The following PHYHIPL variants were observed in gnomAD, a reference collection of about 807,000 sequenced individuals.
PHYHIPL encodes phytanoyl-CoA 2-hydroxylase interacting protein like, also known as phytanoyl-CoA hydroxylase-interacting protein-like.
A neutral mutation model predicts 33.4 loss-of-function variants in PHYHIPL; 9 were observed. The observed-to-expected ratio is 0.27, with a 90% CI of 0.16 to 0.47. The LOEUF is 0.47. Ranked by LOEUF, PHYHIPL falls within the 20% of genes least tolerant of loss-of-function variation. PHYHIPL has a pLI of 0.99. For missense variants in PHYHIPL, 365 were observed against 460.7 expected (o/e 0.79, Z 1.90); for synonymous variants, 153 against 154.1 (o/e 0.99, Z 0.05).
chr10:59,177,405 C>G (rs914883345), intron 1 of PHYHIPL: 7 of 1,404,900 alleles, frequency 5.0e-6, no homozygotes, highest in Non-Finnish European at 6.6e-6. Context: ...TTATCATTTT[C>G]TTTTTTAAAC....
chr10:59,238,461 A>G (rs1840291283), intron 3 of PHYHIPL, 127 bp from the exon 4 acceptor site: 2 of 476,840 alleles, frequency 4.2e-6, no homozygotes, highest in Admixed American at 3.4e-5. Flanking sequence ...TCTTTTTTAA[A>G]TGGAATTTCC....
At chr10:59,199,719 T>C (rs1486583749) in intron 1 of PHYHIPL, among the ~76,000 whole-genome samples, 2 of 152,216 alleles carry the variant, frequency 1.3e-5, no homozygotes, top group Admixed American at 6.5e-5. Flanking sequence ...GTTTGTATCC[T>C]CTTTTATTTC....
Position 59,246,573 on chromosome 10 carries a change from G to T in PHYHIPL, c.*982G>T, listed in dbSNP as rs1840726668. 2.5e-6 allele frequency: 1 copy of T among 396,708 alleles called. No homozygotes were observed. The highest frequency in any genetic ancestry group is 4.5e-6 in the Non-Finnish European group (1 of 224,562). 24.6% of individuals were successfully genotyped at this position (396,708 alleles called of 1,614,324 possible). A position where few individuals can be genotyped will look rare whatever the true frequency, so the allele number is the denominator to read the frequency against. On this transcript the variant is annotated 3_prime_UTR_variant, in exon 5 of 5. Transcript: ENST00000373880. ...TTACAAAAATGAAAATAATAAACATGTTTTCGTATAAAATAACACAAAATG... is the reference window on the plus strand; with the variant it reads ...TTACAAAAATGAAAATAATAAACATTTTTTCGTATAAAATAACACAAAATG...
upstream of PHYHIPL, chr10:59,176,465 G>T (rs1247483705): frequency 1.3e-5 from 2 of 155,548 alleles, no homozygotes; most frequent in East Asian, 3.7e-4. Context: ...GAGGGCAGGT[G>T]GGGGCGCGTG....
chr10:59,177,426 C>T, intron 1 of PHYHIPL: 1 of 1,479,358 alleles, frequency 6.8e-7, no homozygotes, highest in Non-Finnish European at 9.0e-7. Flanking sequence ...CTCCCATCCT[C>T]AGACTCCCCA....
chr10:59,176,386 T>G (rs1359514848), upstream of PHYHIPL, among the ~76,000 whole-genome samples: 1 of 151,842 alleles, frequency 6.6e-6, no homozygotes, highest in Non-Finnish European at 1.5e-5. Flanking sequence ...GCGCGGCGTA[T>G]AGCGCTCGCC....
chr10:59,207,541 G>T (rs11006400), intron 1 of PHYHIPL, among the ~76,000 whole-genome samples: 3,171 of 152,280 alleles, frequency 0.021, 55 homozygotes, highest in Non-Finnish European at 0.033. Context: ...CAGCAAAGTC[G>T]CTGTAGCCAG....
At chr10:59,237,750 C>T (rs188862211) in intron 3 of PHYHIPL, among the ~76,000 whole-genome samples, 61 of 151,934 alleles carry the variant, frequency 4.0e-4, no homozygotes, top group African/African-American at 1.4e-3. Context: ...GGGTTTAAAA[C>T]CCTGTGCTTA....
chr10:59,202,890 A>T (rs972643321), intron 1 of PHYHIPL, among the ~76,000 whole-genome samples: 2 of 152,176 alleles, frequency 1.3e-5, no homozygotes, highest in African/African-American at 2.4e-5. Flanking sequence ...TTTTATTAAT[A>T]TATTTTTTAC....
intron 1 of PHYHIPL, among the ~76,000 whole-genome samples, chr10:59,202,443 C>A (rs1242351053): frequency 6.6e-6 from 1 of 152,184 alleles, no homozygotes; most frequent in Non-Finnish European, 1.5e-5. Flanking sequence ...ATTGTCTTCA[C>A]ATGAATGGTT....
At chr10:59,240,700 A>G (rs1024264770) in intron 4 of PHYHIPL, among the ~76,000 whole-genome samples, 1 of 152,114 alleles carries the variant, frequency 6.6e-6, no homozygotes, top group African/African-American at 2.4e-5. Flanking sequence ...GAAATACATC[A>G]AAAGAATAAA....
chr10:59,245,335 GA>G lies in PHYHIPL; in HGVS notation c.876del (p.Asp293MetfsTer11). ...ILVIAPVGSP[G>X]DEFCKQRLPQ... ...GTTATTGCTCCTGTGGGATCACCAG[GA>G]GATGAATTTTGTAAGCAGCGCCTTC... On this transcript the variant is annotated frameshift_variant, in exon 5 of 5. Coordinates refer to ENST00000373880, the MANE Select transcript of PHYHIPL (RefSeq NM_032439.4). LOFTEE classifies it high-confidence loss of function. 1 of 1,614,138 alleles carries G rather than the reference GA, an allele frequency of 6.2e-7. No individual in the cohort carries two copies. The highest frequency in any genetic ancestry group is 8.5e-7 in the Non-Finnish European group (1 of 1,180,032).
At chr10:59,203,008 A>C (rs1334654636) in intron 1 of PHYHIPL, among the ~76,000 whole-genome samples, 1 of 152,224 alleles carries the variant, frequency 6.6e-6, no homozygotes, top group Non-Finnish European at 1.5e-5. Flanking sequence ...CATAGATTGC[A>C]ATCTACCCAT....
chr10:59,201,251 T>C (rs1839103421), intron 1 of PHYHIPL, among the ~76,000 whole-genome samples: 1 of 152,226 alleles, frequency 6.6e-6, no homozygotes, highest in African/African-American at 2.4e-5. Context: ...GATTCTGGTA[T>C]GTTGTGTCTT....
At chr10:59,209,621 G>T (rs1314840264) in intron 1 of PHYHIPL, among the ~76,000 whole-genome samples, 1 of 152,022 alleles carries the variant, frequency 6.6e-6, no homozygotes, top group Non-Finnish European at 1.5e-5. Context: ...CCAATTAAAA[G>T]ACACAGACTG....
At chr10:59,176,489 G>C (rs1838252090), upstream of PHYHIPL, 1 of 146,874 alleles carries the variant, frequency 6.8e-6, no homozygotes, top group Non-Finnish European at 1.4e-5. Context: ...GCAGAAGGGC[G>C]GGGGAGGGAC....
At chr10:59,188,354 T>C (rs1838677067) in intron 1 of PHYHIPL, among the ~76,000 whole-genome samples, 1 of 152,196 alleles carries the variant, frequency 6.6e-6, no homozygotes, top group Non-Finnish European at 1.5e-5. Context: ...TTTCTGTTCT[T>C]TTACATTTGC....
At chr10:59,198,193 T>G (rs1838978447) in intron 1 of PHYHIPL, among the ~76,000 whole-genome samples, 2 of 152,066 alleles carry the variant, frequency 1.3e-5, no homozygotes, top group South Asian at 4.1e-4. Flanking sequence ...CCTAATGCTA[T>G]CCCTCCCCCC....
In PHYHIPL at chr10:59,246,981, G is replaced by T. The variant is rs1025377978; in HGVS notation, c.*1390G>T. 1 of 206,010 alleles carries T rather than the reference G, an allele frequency of 4.9e-6. No homozygotes were observed. Among genetic ancestry groups the T allele is most frequent in the African/African-American group, 2.3e-5 (1 of 43,578 alleles). 12.8% of individuals were successfully genotyped at this position (206,010 alleles called of 1,614,324 possible). A position where few individuals can be genotyped will look rare whatever the true frequency, so the allele number is the denominator to read the frequency against. On this transcript the variant is annotated 3_prime_UTR_variant, in exon 5 of 5. Coordinates refer to ENST00000373880, the MANE Select transcript of PHYHIPL (RefSeq NM_032439.4). Reference sequence around the variant, plus strand: ...GTACATGCTATCAGAATGAACTTTGGTAACCAGAAATGTAAAATTTCAAAT... The same window carrying T: ...GTACATGCTATCAGAATGAACTTTGTTAACCAGAAATGTAAAATTTCAAAT...
Sources: gnomAD v4.1 joint callset for allele counts (sites outside exome capture counted in the v4.1 genomes callset) on GRCh38, gnomAD v4.1.1 for gene constraint, MANE v1.5 for transcripts, NCBI Gene and HGNC (gene_info 2026-07-23, HGNC 2026-07-21) for gene names.